The following CNTNAP5 variants were observed in gnomAD, a reference collection of about 807,000 sequenced individuals.
CNTNAP5 encodes contactin-associated protein-like 5.
In CNTNAP5, 72 loss-of-function variants were observed where a neutral mutation model predicts 150.2. That is an observed-to-expected ratio of 0.48 (90% CI 0.40 to 0.58). The LOEUF is 0.58. Among genes scored for constraint, CNTNAP5 ranks in the 20% least tolerant of loss-of-function variants. The pLI is 0.00. For missense variants in CNTNAP5, 1,636 were observed against 1,626.2 expected (o/e 1.01, Z -0.10); for synonymous variants, 672 against 619.8 (o/e 1.08, Z -1.25).
intron 12 of CNTNAP5, among the ~76,000 whole-genome samples, chr2:124,646,514 A>G (rs1368923162): frequency 6.6e-6 from 1 of 152,248 alleles, no homozygotes; most frequent in Non-Finnish European, 1.5e-5. Context: ...CTCAGAATTT[A>G]TGAAGAGTAA....
chr2:124,908,355 A>C (rs1678583489), intron 22 of CNTNAP5, among the ~76,000 whole-genome samples: 1 of 152,110 alleles, frequency 6.6e-6, no homozygotes, highest in African/African-American at 2.4e-5. Flanking sequence ...TAAATGACAG[A>C]GTGAGACTCA....
At chr2:124,402,890 T>C (rs567110141) in intron 3 of CNTNAP5, among the ~76,000 whole-genome samples, 2 of 152,354 alleles carry the variant, frequency 1.3e-5, no homozygotes, top group African/African-American at 4.8e-5. Flanking sequence ...GCCTAAAACC[T>C]ATTTCTCTCA....
chr2:124,074,348 G>A (rs990386752), intron 1 of CNTNAP5, among the ~76,000 whole-genome samples: 8 of 151,990 alleles, frequency 5.3e-5, no homozygotes, highest in African/African-American at 1.9e-4. Context: ...GAATATAATT[G>A]GATTATTTGT....
chr2:124,243,797 C>T (rs1264091996), intron 3 of CNTNAP5, among the ~76,000 whole-genome samples: 2 of 151,936 alleles, frequency 1.3e-5, no homozygotes, highest in South Asian at 2.1e-4. Flanking sequence ...CCCATGTACC[C>T]CTTGAACCTA....
At chr2:124,102,431 G>T (rs1334006301) in intron 1 of CNTNAP5, among the ~76,000 whole-genome samples, 1 of 152,134 alleles carries the variant, frequency 6.6e-6, no homozygotes, top group African/African-American at 2.4e-5. Flanking sequence ...GAAGTTCAGC[G>T]ACCAGGCTCT....
Position 124,246,615 on chromosome 2 carries a change from A to C in CNTNAP5, c.381+4222A>C, listed in dbSNP as rs545614077. On this transcript the variant is annotated intron_variant, in intron 3 of 23. Transcript: ENST00000682447. ...GAACCTCTTAACTAAGTCCACTCAG[A>C]CCAGGTCCTGTTAACAGTCCTTTTG... Among the ~76,000 whole-genome samples, 9 of 152,304 alleles carry C rather than the reference A, an allele frequency of 5.9e-5. No homozygotes were observed. The South Asian group carries it at 1.9e-3, about 32-fold the overall frequency.
At chr2:124,856,077 TG>T (rs1348970363) in intron 19 of CNTNAP5, among the ~76,000 whole-genome samples, 1 of 79,438 alleles carries the variant, frequency 1.3e-5, no homozygotes, top group Non-Finnish European at 2.1e-5. Context: ...TAGTCCATGG[TG>T]TGTGTGTGTG....
intron 3 of CNTNAP5, among the ~76,000 whole-genome samples, chr2:124,292,106 A>C (rs796644): frequency 0.3 from 45,220 of 151,980 alleles, 7,250 homozygotes; most frequent in Admixed American, 0.38. Context: ...GGCATGCTAC[A>C]GTGCAAAAAA....
intron 1 of CNTNAP5, among the ~76,000 whole-genome samples, chr2:124,211,781 G>A (rs1686019734): frequency 6.6e-6 from 1 of 152,282 alleles, no homozygotes; most frequent in Middle Eastern, 3.4e-3. Context: ...CCAGTGAGCA[G>A]AATGAGAATA....
chr2:124,695,092 G>T (rs1044931852), intron 13 of CNTNAP5, among the ~76,000 whole-genome samples: 1 of 151,452 alleles, frequency 6.6e-6, no homozygotes, highest in African/African-American at 2.4e-5. Context: ...TTTCTCCATC[G>T]CTTTCTTCAG....
intron 19 of CNTNAP5, among the ~76,000 whole-genome samples, chr2:124,835,767 G>A (rs895025960): frequency 5.3e-5 from 8 of 152,020 alleles, no homozygotes; most frequent in Non-Finnish European, 1.0e-4. Context: ...TCCTTATTTT[G>A]CAGCCACGGA....
intron 11 of CNTNAP5, among the ~76,000 whole-genome samples, chr2:124,591,384 G>C (rs769606102): frequency 6.6e-6 from 1 of 152,120 alleles, no homozygotes; most frequent in Non-Finnish European, 1.5e-5. Context: ...AGGTATTGCA[G>C]AGAACAAAGA....
At chr2:124,533,288 G>T (rs1244911070) in intron 10 of CNTNAP5, among the ~76,000 whole-genome samples, 2 of 151,888 alleles carry the variant, frequency 1.3e-5, no homozygotes, top group Non-Finnish European at 2.9e-5. Context: ...TGAGAGTGAG[G>T]GTCTCTTTAA....
At chr2:124,683,120 C>T (rs965262993) in intron 13 of CNTNAP5, among the ~76,000 whole-genome samples, 4 of 152,088 alleles carry the variant, frequency 2.6e-5, no homozygotes, top group African/African-American at 9.7e-5. Context: ...GTGTTTACTC[C>T]TGTTAATCTC....
chr2:124,647,084 CT>C (rs1238323599), intron 12 of CNTNAP5, among the ~76,000 whole-genome samples: 2 of 152,206 alleles, frequency 1.3e-5, no homozygotes, highest in African/African-American at 4.8e-5. Context: ...AATATCTCCC[CT>C]CTCTCACTGC....
At chr2:124,556,536 T>C (rs543294192) in intron 10 of CNTNAP5, among the ~76,000 whole-genome samples, 20 of 152,198 alleles carry the variant, frequency 1.3e-4, no homozygotes, top group Non-Finnish European at 2.6e-4. Context: ...GGGATCCCCT[T>C]GCTCTTGTGT....
intron 10 of CNTNAP5, among the ~76,000 whole-genome samples, chr2:124,534,415 AAC>A (rs1695182961): frequency 1.3e-5 from 2 of 152,218 alleles, no homozygotes; most frequent in Non-Finnish European, 2.9e-5. Context: ...TTATATGCTA[AAC>A]AAGAGGTAGA....
chr2:124,698,508 C>A (rs1679453452), intron 13 of CNTNAP5, among the ~76,000 whole-genome samples: 1 of 151,930 alleles, frequency 6.6e-6, no homozygotes, highest in South Asian at 2.1e-4. Flanking sequence ...AGAAATAGAA[C>A]ATTTTTGTAT....
At chr2:124,348,426 T>C (rs1689793511) in intron 3 of CNTNAP5, among the ~76,000 whole-genome samples, 1 of 152,200 alleles carries the variant, frequency 6.6e-6, no homozygotes, top group African/African-American at 2.4e-5. Context: ...ACTTTCTGTC[T>C]CTCACTATTA....
Sources: allele counts gnomAD v4.1 joint callset (sites outside exome capture counted in the v4.1 genomes callset), GRCh38; gene constraint gnomAD v4.1.1; transcripts MANE v1.5; gene names NCBI Gene and HGNC (gene_info 2026-07-23, HGNC 2026-07-21).